Variants in TSGA13 observed in about 807,000 individuals in gnomAD.
TSGA13 encodes testis specific 13.
TSGA13 carries 37 observed loss-of-function variants against 35.1 expected under a neutral mutation model. That is an observed-to-expected ratio of 1.05 (90% CI 0.81 to 1.39). The LOEUF (loss-of-function observed/expected upper bound fraction) is 1.39, where lower values mean the gene tolerates loss of function less well. Ranked by LOEUF, TSGA13 falls within the 40% of genes most tolerant of loss-of-function variation. TSGA13 has a pLI of 0.00. For missense variants in TSGA13, 338 were observed against 328.5 expected, an observed-to-expected ratio of 1.03 and a Z score of -0.22; for synonymous variants, 124 against 121.2, an observed-to-expected ratio of 1.02 and a Z score of -0.15.
intron 5 of TSGA13, among the ~76,000 whole-genome samples, chr7:130,677,542 A>G (rs1796442928): frequency 6.6e-6 from 1 of 151,922 alleles, no homozygotes; most frequent in African/African-American, 2.4e-5. Context: ...CTCCTCCCTC[A>G]GCCTCCTGAG....
chr7:130,677,268 A>G (rs1796435363), intron 5 of TSGA13, among the ~76,000 whole-genome samples: 2 of 152,120 alleles, frequency 1.3e-5, no homozygotes, highest in Non-Finnish European at 2.9e-5. Flanking sequence ...GGTCTTCAGT[A>G]TCTCTCACCT....
At chr7:130,685,075 A>G (rs1796632272) in intron 2 of TSGA13, 113 bp downstream of exon 2, 3 of 1,071,362 alleles carry the variant, frequency 2.8e-6, no homozygotes, top group East Asian at 4.8e-5. Flanking sequence ...CAATTAAAAT[A>G]TGTTTAATGA....
chr7:130,678,486 T>C (rs1214878477), intron 5 of TSGA13, among the ~76,000 whole-genome samples: 1 of 152,250 alleles, frequency 6.6e-6, no homozygotes, highest in Non-Finnish European at 1.5e-5. Context: ...CATTTAGATA[T>C]TCATCCCTGT....
intron 5 of TSGA13, among the ~76,000 whole-genome samples, chr7:130,676,697 C>T (rs1554464145): frequency 6.6e-6 from 1 of 152,166 alleles, no homozygotes; most frequent in Non-Finnish European, 1.5e-5. Context: ...TCACTGTCAT[C>T]CATCTAGGAA....
rs1448502001 is a variant in TSGA13, at chr7:130,668,948, G to C, written c.*66C>G. 7.0e-6 allele frequency: 11 copies of C among 1,562,018 alleles called. No homozygotes were observed. In the African/African-American group the frequency reaches 1.5e-4, roughly 22 times the overall value. The stretch of plus-strand genomic sequence containing the variant: ...CAGCAGCAGGAATGTGGTTTTATTT[G>C]GGTGGCGACTTCTGCGGACCCCTCA... On this transcript the variant is annotated 3_prime_UTR_variant, in exon 8 of 8. Coordinates refer to ENST00000356588, the MANE Select transcript of TSGA13 (RefSeq NM_052933.4).
chr7:130,671,763 T>C lies in TSGA13; in HGVS notation c.556A>G (p.Ser186Gly). 1 of 1,597,570 alleles carries C rather than the reference T, an allele frequency of 6.3e-7. No individual in the cohort carries two copies. Among genetic ancestry groups the C allele is most frequent in the East Asian group, 2.3e-5 (1 of 44,362 alleles). ...TAGACTTTTGAATACTTCCCTTCGCTCTTGAAATCATTGTCAGTGGAAAAC... is the reference window on the plus strand; with the variant it reads ...TAGACTTTTGAATACTTCCCTTCGCCCTTGAAATCATTGTCAGTGGAAAAC... ...FRFSTDNDFK[S>G]EGKYSKVYAL... Residue 186 changes from serine to glycine, a missense_variant, in exon 7 of 8, where the codon AGC becomes GGC. Transcript: ENST00000356588.
chr7:130,679,917 G>A (rs981746096), intron 4 of TSGA13, among the ~76,000 whole-genome samples: 1 of 152,166 alleles, frequency 6.6e-6, no homozygotes, highest in South Asian at 2.1e-4. Context: ...CTGGCGCAAT[G>A]TGATGGAAAG....
At chr7:130,675,749 T>G (rs923978860) in intron 5 of TSGA13, among the ~76,000 whole-genome samples, 1 of 152,250 alleles carries the variant, frequency 6.6e-6, no homozygotes, top group African/African-American at 2.4e-5. Context: ...TTCAATCTTT[T>G]CATTTCTCAA....
chr7:130,682,349 A>G (rs1796567998), intron 3 of TSGA13, among the ~76,000 whole-genome samples: 1 of 151,976 alleles, frequency 6.6e-6, no homozygotes, highest in South Asian at 2.1e-4. Context: ...TGAACTCCTG[A>G]CCTCCAGTGA....
rs550394548 is a variant in TSGA13, at chr7:130,680,903, A to G, written c.174+43T>C. On this transcript the variant is annotated intron_variant, in intron 4 of 7. Coordinates refer to ENST00000356588, the MANE Select transcript of TSGA13 (RefSeq NM_052933.4). ...CAGTGGGCATCTGCACCACTGCTGA[A>G]ACTTCCCCTTAGAGATCTTGGGGGA... is the stretch of plus-strand genomic sequence containing the variant. The G allele has an allele frequency of 5.0e-5, 79 of 1,589,786 alleles. No homozygotes were observed. In the South Asian group the frequency reaches 8.5e-4, roughly 17 times the overall value.
Position 130,668,710 on chromosome 7 carries a change from C to T in TSGA13, c.*304G>A. 3 of 1,511,544 alleles carry T rather than the reference C, an allele frequency of 2.0e-6. No individual in the cohort carries two copies. The highest frequency in any genetic ancestry group is 1.3e-5 in the South Asian group (1 of 79,494). The allele number at this position is 1,511,544 out of a possible 1,614,324, so 93.6% of individuals were successfully genotyped here. A position where few individuals can be genotyped will look rare whatever the true frequency, so the allele number is the denominator to read the frequency against. The stretch of plus-strand genomic sequence containing the variant: ...GCGCCCAGACCCACCGCAACCGTCC[C>T]AGGCGCCGCAGCCGGCGAGCGGAAG... On this transcript the variant is annotated 3_prime_UTR_variant, in exon 8 of 8. Coordinates refer to ENST00000356588, the MANE Select transcript of TSGA13 (RefSeq NM_052933.4).
intron 6 of TSGA13, 131 bp from the exon 7 acceptor site, chr7:130,671,919 C>T: frequency 1.4e-6 from 1 of 701,168 alleles, no homozygotes. Context: ...AGACACAAGT[C>T]TTGTTCTGTC....
intron 5 of TSGA13, among the ~76,000 whole-genome samples, chr7:130,675,715 C>T (rs1257177118): frequency 6.6e-6 from 1 of 152,192 alleles, no homozygotes; most frequent in Non-Finnish European, 1.5e-5. Context: ...TCTTATGTGT[C>T]CTTTTAGCTT....
chr7:130,684,620 C>T (rs1399020204), intron 2 of TSGA13, among the ~76,000 whole-genome samples: 5 of 152,148 alleles, frequency 3.3e-5, no homozygotes, highest in African/African-American at 1.2e-4. Context: ...CTGGCTATAG[C>T]GTGCTACAAA....
intron 5 of TSGA13, 59 bp downstream of exon 5, chr7:130,679,096 A>C: frequency 7.4e-6 from 10 of 1,347,684 alleles, no homozygotes; most frequent in Non-Finnish European, 1.1e-5. Context: ...CTTCCTTCTC[A>C]ATGCTAACTC....
intron 2 of TSGA13, 108 bp from the exon 3 acceptor site, chr7:130,683,780 C>T (rs1796599935): frequency 2.2e-6 from 2 of 896,668 alleles, no homozygotes; most frequent in Admixed American, 4.8e-5. Context: ...TCAGACAAGT[C>T]CAATTTAGGT....
chr7:130,678,589 T>C (rs2116317703), intron 5 of TSGA13, among the ~76,000 whole-genome samples: 1 of 152,322 alleles, frequency 6.6e-6, no homozygotes. Context: ...ACAAATTAAA[T>C]ATCTTTGGCC....
intron 5 of TSGA13, among the ~76,000 whole-genome samples, chr7:130,674,828 T>C (rs1276555075): frequency 2.6e-5 from 4 of 152,352 alleles, no homozygotes; most frequent in African/African-American, 9.6e-5. Context: ...GAACTTATTC[T>C]CTTTAAGCTC....
intron 4 of TSGA13, among the ~76,000 whole-genome samples, chr7:130,680,375 G>T (rs965889879): frequency 6.6e-6 from 1 of 151,966 alleles, no homozygotes; most frequent in Admixed American, 6.6e-5. Context: ...GCGTAGTGGG[G>T]GGCGCCTATA....
Sources: allele counts gnomAD v4.1 joint callset (sites outside exome capture counted in the v4.1 genomes callset), GRCh38; gene constraint gnomAD v4.1.1; transcripts MANE v1.5; gene names NCBI Gene and HGNC (gene_info 2026-07-23, HGNC 2026-07-21).